DENND5B: variants seen among roughly 807,000 people sequenced by gnomAD.
DENND5B encodes DENN domain-containing protein 5B.
Under a neutral mutation model 140.6 loss-of-function variants are expected in DENND5B, and 34 were observed. That is an observed-to-expected ratio of 0.24 (90% CI 0.18 to 0.32). The LOEUF is 0.32. Among genes scored for constraint, DENND5B ranks in the 10% least tolerant of loss-of-function variants. The probability of loss-of-function intolerance (pLI) is 1.00; values close to 1 mark genes in which losing one functional copy is unlikely to be tolerated. For synonymous variants in DENND5B, 551 were observed against 562.1 expected (o/e 0.98, Z 0.28); for missense variants, 1,142 against 1,560.2 (o/e 0.73, Z 4.52).
chr12:31,527,096 G>C (rs1475511264), intron 1 of DENND5B, among the ~76,000 whole-genome samples: 2 of 152,170 alleles, frequency 1.3e-5, no homozygotes, highest in East Asian at 3.9e-4. Context: ...CGGTATGAGA[G>C]AGGGTGATAT....
intron 1 of DENND5B, among the ~76,000 whole-genome samples, chr12:31,542,243 G>A (rs527562545): frequency 8.1e-5 from 12 of 148,608 alleles, no homozygotes; most frequent in African/African-American, 3.0e-4. Flanking sequence ...AGCCGAGATC[G>A]CACCACTGCA....
At chr12:31,415,253 G>T in intron 12 of DENND5B, 114 bp downstream of exon 12, 2 of 745,530 alleles carry the variant, frequency 2.7e-6, no homozygotes, top group Non-Finnish European at 4.2e-6. Flanking sequence ...GCTTTCTTCA[G>T]AATACATAAG....
chr12:31,491,001 T>C (rs1946505170), intron 2 of DENND5B, among the ~76,000 whole-genome samples: 1 of 152,198 alleles, frequency 6.6e-6, no homozygotes, highest in South Asian at 2.1e-4. Flanking sequence ...ACAGTTTGCT[T>C]AAAAGTTATT....
rs73299853 is a variant in DENND5B at position 31,557,997 on chromosome 12, G to A, written c.127+32709C>T. Reference sequence around the variant, plus strand: ...AAGCCCAGGAGTTTGAAGCTCCGGTGAGCTATGATCTCACCACTGCACTAA... The same window carrying A: ...AAGCCCAGGAGTTTGAAGCTCCGGTAAGCTATGATCTCACCACTGCACTAA... On this transcript the variant is annotated intron_variant, in intron 1 of 20. Transcript: ENST00000389082. Among the ~76,000 whole-genome samples the A allele has an allele frequency of 5.6e-3, 846 of 152,148 alleles. 18 individuals carry two copies. Among genetic ancestry groups the A allele is most frequent in the African/African-American group, 0.02 (823 of 41,506 alleles).
At chr12:31,453,994 T>C (rs772689555) in intron 4 of DENND5B, among the ~76,000 whole-genome samples, 1 of 151,740 alleles carries the variant, frequency 6.6e-6, no homozygotes, top group Non-Finnish European at 1.5e-5. Flanking sequence ...ATATAAAAAT[T>C]AGCTGGGCAT....
intron 4 of DENND5B, among the ~76,000 whole-genome samples, chr12:31,458,219 A>G (rs1190345311): frequency 6.6e-6 from 1 of 152,332 alleles, no homozygotes; most frequent in East Asian, 1.9e-4. Flanking sequence ...AAGGTTTCCC[A>G]ACTACAGATA....
chr12:31,556,895 C>T (rs979031534), intron 1 of DENND5B, among the ~76,000 whole-genome samples: 1 of 151,988 alleles, frequency 6.6e-6, no homozygotes, highest in Non-Finnish European at 1.5e-5. Flanking sequence ...AGAAATGTGA[C>T]TTGAAGGAAT....
rs1373312523 is a variant in DENND5B at position 31,463,947 on chromosome 12, C to T, written c.905-3566G>A. 2.0e-5 allele frequency among the ~76,000 whole-genome samples: 3 copies of T among 152,126 alleles called. No homozygotes were observed. In the East Asian group the frequency reaches 5.8e-4, roughly 29 times the overall value. On this transcript the variant is annotated intron_variant, in intron 3 of 20. Transcript: ENST00000389082. ...CCTCCCAAAGTGCTAAGATTACAGGCGTGAGCCACTGTGCCCAGCCCACAC... is the reference window on the plus strand; with the variant it reads ...CCTCCCAAAGTGCTAAGATTACAGGTGTGAGCCACTGTGCCCAGCCCACAC...
At chr12:31,387,855 G>A in intron 20 of DENND5B, 69 bp from the exon 21 acceptor site, 1 of 1,497,940 alleles carries the variant, frequency 6.7e-7, no homozygotes. Context: ...ACACAGTGGA[G>A]TCTGTATGAA....
chr12:31,571,898 C>T (rs928745756), intron 1 of DENND5B, among the ~76,000 whole-genome samples: 6 of 152,172 alleles, frequency 3.9e-5, no homozygotes, highest in African/African-American at 9.6e-5. Context: ...CGAGAGCCAC[C>T]GTACCCAGCC....
intron 1 of DENND5B, among the ~76,000 whole-genome samples, chr12:31,545,042 G>T (rs574601624): frequency 6.6e-6 from 1 of 151,662 alleles, no homozygotes; most frequent in Non-Finnish European, 1.5e-5. Flanking sequence ...TTAGACAATC[G>T]CCCCCACCAC....
chr12:31,564,925 T>G (rs1243411842), intron 1 of DENND5B, among the ~76,000 whole-genome samples: 5 of 152,098 alleles, frequency 3.3e-5, no homozygotes, highest in Non-Finnish European at 7.4e-5. Context: ...CAGATTGTAT[T>G]ATTTCCTTCA....
intron 1 of DENND5B, among the ~76,000 whole-genome samples, chr12:31,581,943 T>C (rs769716273): frequency 2.0e-5 from 3 of 152,120 alleles, no homozygotes; most frequent in Non-Finnish European, 4.4e-5. Context: ...TCCTGGTTAG[T>C]TATAATACTC....
chr12:31,446,692 G>A (rs1358776818), intron 6 of DENND5B, among the ~76,000 whole-genome samples: 2 of 150,128 alleles, frequency 1.3e-5, no homozygotes, highest in African/African-American at 2.5e-5. Context: ...TCGGGAGATC[G>A]ACACCATCCT....
At chr12:31,495,389 C>CTTTTTTTTTTTTTTTTT (rs149645342) in intron 2 of DENND5B, among the ~76,000 whole-genome samples, 1 of 136,206 alleles carries the variant, frequency 7.3e-6, no homozygotes. Flanking sequence ...CTTTTTTTTT[C>CTTTTTTTTTTTTTTTTT]TTTTTTTGAG....
intron 11 of DENND5B, among the ~76,000 whole-genome samples, chr12:31,417,628 G>C (rs1030346103): frequency 6.6e-6 from 1 of 152,050 alleles, no homozygotes; most frequent in East Asian, 1.9e-4. Context: ...TTTTTGTAGA[G>C]ACGGGGTTTT....
chr12:31,556,798 T>C (rs940202457), intron 1 of DENND5B, among the ~76,000 whole-genome samples: 24 of 152,212 alleles, frequency 1.6e-4, no homozygotes, highest in African/African-American at 5.5e-4. Context: ...ACTGTTTATA[T>C]TCCTTCAAGA....
At chr12:31,552,951 C>T (rs1949130508) in intron 1 of DENND5B, among the ~76,000 whole-genome samples, 2 of 151,996 alleles carry the variant, frequency 1.3e-5, no homozygotes, top group African/African-American at 4.8e-5. Flanking sequence ...TTTGATTCTT[C>T]TTTTCTTCTT....
intron 4 of DENND5B, among the ~76,000 whole-genome samples, chr12:31,455,631 C>T (rs1377361906): frequency 1.3e-5 from 2 of 152,124 alleles, no homozygotes; most frequent in Non-Finnish European, 2.9e-5. Flanking sequence ...TAAAAATTTA[C>T]TCAACACCTC....
Sources: allele counts gnomAD v4.1 joint callset (sites outside exome capture counted in the v4.1 genomes callset), GRCh38; gene constraint gnomAD v4.1.1; transcripts MANE v1.5; gene names NCBI Gene and HGNC (gene_info 2026-07-23, HGNC 2026-07-21).